Variants in IFI16 observed in about 807,000 individuals in gnomAD.
IFI16 encodes gamma-interferon-inducible protein 16.
IFI16 carries 49 observed loss-of-function variants against 68.4 expected under a neutral mutation model. The ratio of observed to expected loss-of-function variants is 0.72; its 90% CI spans 0.57 to 0.91. IFI16 has a LOEUF of 0.91. Ranked by LOEUF, IFI16 falls within the 40% of genes least tolerant of loss-of-function variation. The pLI is 0.00. For synonymous variants in IFI16, 307 were observed against 315.0 expected (o/e 0.97, Z 0.27); for missense variants, 878 against 942.9 (o/e 0.93, Z 0.90).
rs779580995 is a variant in IFI16 at position 159,018,263 on chromosome 1, C to T, written c.584C>T (p.Pro195Leu). The T allele has an allele frequency of 1.9e-6, 3 of 1,613,928 alleles. No homozygotes were observed. The Admixed American group carries it at 5.0e-5, about 27-fold the overall frequency. The change falls in exon 5 of 12, where the codon CCC becomes CTC. Residue 195 changes from proline (P) to leucine (L), a missense_variant. Transcript: ENST00000295809. ...ACAGTGGCCAAATGTCAGGTAACTC[C>T]CAGAAGAAATGTTCTCCAAAAACGC... ...PKTVAKCQVT[P>L]RRNVLQKRPV...
chr1:159,012,288 G>C (rs1652615292), intron 1 of IFI16, among the ~76,000 whole-genome samples: 2 of 152,150 alleles, frequency 1.3e-5, no homozygotes, highest in Admixed American at 1.3e-4. Flanking sequence ...CTTAAGACAA[G>C]ATGAAAGCAC....
upstream of IFI16, among the ~76,000 whole-genome samples, chr1:159,008,803 T>G (rs1432988905): frequency 6.6e-6 from 1 of 152,168 alleles, no homozygotes; most frequent in Non-Finnish European, 1.5e-5. Context: ...ATTCATATGG[T>G]TTCAAATCCA....
At chr1:159,031,523 C>T (rs1382848371) in intron 6 of IFI16, among the ~76,000 whole-genome samples, 2 of 152,320 alleles carry the variant, frequency 1.3e-5, no homozygotes, top group East Asian at 3.9e-4. Flanking sequence ...CCGCTGCTTC[C>T]TCTACCCCTG....
intron 7 of IFI16, among the ~76,000 whole-genome samples, chr1:159,042,281 T>C (rs139934569): frequency 0.01 from 1,514 of 150,200 alleles, 13 homozygotes; most frequent in Non-Finnish European, 0.018. Context: ...GCATAACAAT[T>C]TTATATTTGA....
chr1:159,004,629 T>C (rs1043983683), upstream of IFI16, among the ~76,000 whole-genome samples: 16 of 152,020 alleles, frequency 1.1e-4, no homozygotes, highest in Non-Finnish European at 2.1e-4. Context: ...CACTTGAACC[T>C]GGGAGGCAGA....
chr1:159,053,295 T>G (rs993267754), intron 10 of IFI16: 6 of 356,280 alleles, frequency 1.7e-5, no homozygotes, highest in South Asian at 1.5e-4. Context: ...AGTAATCAAT[T>G]TTTTTTCCTA....
Position 159,018,640 on chromosome 1 carries a change from A to G in IFI16, c.961A>G (p.Met321Val), listed in dbSNP as rs756998832. 8 of 1,605,980 alleles carry G rather than the reference A, an allele frequency of 5.0e-6. No homozygotes were observed. Among genetic ancestry groups the G allele is most frequent in the African/African-American group, 1.3e-5 (1 of 74,342 alleles). The change falls in exon 5 of 12, where the codon ATG (methionine) becomes GTG (valine). Residue 321 changes from methionine to valine, a missense_variant. Transcript: ENST00000295809. ...AGGAAATATTGTATATGGGGTATTTATGCTACATAAGGTAAGTCCTCAAAA... is the reference window on the plus strand; with the variant it reads ...AGGAAATATTGTATATGGGGTATTTGTGCTACATAAGGTAAGTCCTCAAAA... ...ASGNIVYGVFMLHKKTVNQKT... is the reference protein window; with the variant it reads ...ASGNIVYGVFVLHKKTVNQKT...
At chr1:159,031,869 TG>T (rs1654020490) in intron 6 of IFI16, among the ~76,000 whole-genome samples, 1 of 151,992 alleles carries the variant, frequency 6.6e-6, no homozygotes, top group African/African-American at 2.4e-5. Flanking sequence ...ATTAGGAGGG[TG>T]GGGAACCAAT....
intron 1 of IFI16, among the ~76,000 whole-genome samples, chr1:159,013,690 G>A (rs1215060317): frequency 2.0e-5 from 3 of 152,158 alleles, no homozygotes; most frequent in Non-Finnish European, 4.4e-5. Context: ...GGTTGTATGG[G>A]AAGTAGTCAA....
At chr1:159,012,956 G>A (rs975508247) in intron 1 of IFI16, among the ~76,000 whole-genome samples, 1 of 152,140 alleles carries the variant, frequency 6.6e-6, no homozygotes, top group Admixed American at 6.5e-5. Context: ...CCATTGTCCT[G>A]CTTCAGGCAG....
At chr1:159,034,391 C>G (rs1181429554) in intron 7 of IFI16, among the ~76,000 whole-genome samples, 1 of 152,170 alleles carries the variant, frequency 6.6e-6, no homozygotes, top group East Asian at 1.9e-4. Flanking sequence ...AAGAGGATTA[C>G]TGTCTTTTGT....
chr1:159,050,783 C>A (rs1393820643), intron 9 of IFI16, among the ~76,000 whole-genome samples: 3 of 152,106 alleles, frequency 2.0e-5, no homozygotes, highest in Non-Finnish European at 4.4e-5. Flanking sequence ...TTTTCACGTC[C>A]ATGACTCTTT....
At chr1:159,019,189 A>C (rs1653131247) in intron 5 of IFI16, among the ~76,000 whole-genome samples, 2 of 152,080 alleles carry the variant, frequency 1.3e-5, no homozygotes, top group Admixed American at 1.3e-4. Flanking sequence ...GAAATGGAAC[A>C]ATTGGGAAAT....
upstream of IFI16, among the ~76,000 whole-genome samples, chr1:159,002,584 A>C (rs1652101732): frequency 6.6e-6 from 1 of 152,170 alleles, no homozygotes; most frequent in African/African-American, 2.4e-5. Flanking sequence ...TTCTTCATAG[A>C]ATTTATCTGC....
intron 7 of IFI16, among the ~76,000 whole-genome samples, chr1:159,043,960 T>A (rs1654821887): frequency 6.6e-6 from 1 of 152,216 alleles, no homozygotes; most frequent in Non-Finnish European, 1.5e-5. Context: ...GCTTCCTATA[T>A]TACCTCCATA....
At chr1:159,021,703 A>G (rs560350779) in intron 6 of IFI16, among the ~76,000 whole-genome samples, 141 of 152,274 alleles carry the variant, frequency 9.3e-4, no homozygotes, top group African/African-American at 3.2e-3. Flanking sequence ...TAGTTCTACT[A>G]GTTTACATTC....
intron 7 of IFI16, among the ~76,000 whole-genome samples, chr1:159,043,065 T>G (rs1654763577): frequency 6.6e-6 from 1 of 152,214 alleles, no homozygotes; most frequent in East Asian, 1.9e-4. Flanking sequence ...CACATGTCAG[T>G]TGAGGACAGG....
chr1:159,004,395 G>A (rs1652174867), upstream of IFI16, among the ~76,000 whole-genome samples: 1 of 151,868 alleles, frequency 6.6e-6, no homozygotes, highest in African/African-American at 2.4e-5. Context: ...ATAGATGTTA[G>A]TAATTTGGGG....
At chr1:159,022,882 C>T (rs1017915643) in intron 6 of IFI16, among the ~76,000 whole-genome samples, 4 of 152,000 alleles carry the variant, frequency 2.6e-5, no homozygotes, top group African/African-American at 9.7e-5. Flanking sequence ...TTACAATTTC[C>T]CCTCATTTCA....
Sources: allele counts gnomAD v4.1 joint callset (sites outside exome capture counted in the v4.1 genomes callset), GRCh38; gene constraint gnomAD v4.1.1; transcripts MANE v1.5; gene names NCBI Gene and HGNC (gene_info 2026-07-23, HGNC 2026-07-21).